DPP6: variants seen among roughly 807,000 people sequenced by gnomAD.
DPP6 encodes A-type potassium channel modulatory protein DPP6.
Under a neutral mutation model 122.6 loss-of-function variants are expected in DPP6, and 69 were observed. That is an observed-to-expected ratio of 0.56 (90% CI 0.46 to 0.69). DPP6 has a LOEUF of 0.69. Ranked by LOEUF, DPP6 falls within the 30% of genes least tolerant of loss-of-function variation. The pLI is 0.00. For missense variants in DPP6, 928 were observed against 1,116.9 expected, an observed-to-expected ratio of 0.83 and a Z score of 2.41; for synonymous variants, 418 against 433.1, an observed-to-expected ratio of 0.97 and a Z score of 0.43.
rs71184020 is a variant in DPP6, at chr7:154,646,027, C to CA, written c.680+8172dup. 1.8e-3 allele frequency among the ~76,000 whole-genome samples: 103 copies of CA among 57,932 alleles called. 5 individuals carry two copies. The highest frequency in any genetic ancestry group is 5.2e-3 in the African/African-American group (73 of 14,156). 38.0% of individuals were successfully genotyped at this position (57,932 alleles called of 152,430 possible). A position where few individuals can be genotyped will look rare whatever the true frequency, so the allele number is the denominator to read the frequency against. ...CGGGCGGCAGAGTGAGACTCCGTCT[C>CA]AAAAAAAAAAAAAAAAAAGAAAATA... On this transcript the variant is annotated intron_variant, in intron 6 of 25. Transcript: ENST00000377770.
intron 3 of DPP6, among the ~76,000 whole-genome samples, chr7:154,526,482 A>C (rs1165036143): frequency 6.9e-6 from 1 of 144,028 alleles, no homozygotes; most frequent in African/African-American, 2.4e-5. Context: ...CCAACACAGT[A>C]CCCACCAGCT....
intron 1 of DPP6, among the ~76,000 whole-genome samples, chr7:154,373,937 C>T (rs1812894182): frequency 6.6e-6 from 1 of 152,186 alleles, no homozygotes; most frequent in Admixed American, 6.5e-5. Context: ...CAGGTTCATC[C>T]ATAGGTTCAT....
intron 2 of DPP6, among the ~76,000 whole-genome samples, chr7:154,450,496 C>T (rs574914748): frequency 2.6e-5 from 4 of 152,288 alleles, no homozygotes; most frequent in Admixed American, 2.6e-4. Flanking sequence ...TGTAACCTGG[C>T]CACAAAAGTG....
chr7:154,590,006 G>A (rs1196840832), intron 5 of DPP6, among the ~76,000 whole-genome samples: 1 of 152,110 alleles, frequency 6.6e-6, no homozygotes. Flanking sequence ...GAGGTTTTTG[G>A]TTTTATGACT....
chr7:154,206,420 C>A (rs1026861323), intron 1 of DPP6, among the ~76,000 whole-genome samples: 1 of 152,202 alleles, frequency 6.6e-6, no homozygotes, highest in African/African-American at 2.4e-5. Context: ...AAGGGAGAAG[C>A]CTTAAATTCC....
intron 17 of DPP6, among the ~76,000 whole-genome samples, chr7:154,861,989 T>A (rs1803446637): frequency 6.6e-6 from 1 of 152,256 alleles, no homozygotes; most frequent in African/African-American, 2.4e-5. Context: ...CATTAAGGAT[T>A]ATTTTCAATG....
intron 3 of DPP6, among the ~76,000 whole-genome samples, chr7:154,525,233 T>C (rs1210200944): frequency 6.6e-6 from 1 of 152,206 alleles, no homozygotes; most frequent in Non-Finnish European, 1.5e-5. Flanking sequence ...AGCCTCAAAC[T>C]CCTGAGCTCA....
chr7:153,856,144 G>A, the DPP6 span, among the ~76,000 whole-genome samples: 1 of 152,124 alleles, frequency 6.6e-6, no homozygotes, highest in Non-Finnish European at 1.5e-5. Context: ...CTCACTGAAG[G>A]TACCTCACCC....
chr7:154,880,495 G>A lies in DPP6; in HGVS notation c.2079-393G>A, dbSNP rs1038908173. 1.5e-4 allele frequency among the ~76,000 whole-genome samples: 23 copies of A among 152,206 alleles called. 1 individual carries two copies. The highest frequency in any genetic ancestry group is 1.2e-4 in the Non-Finnish European group (8 of 68,036). ...AACCAGAGCTCCACAGATTCCTGCC[G>A]ACCCCTAAGGCTCATCCCAGAGCCC... On this transcript the variant is annotated intron_variant, in intron 20 of 25. Transcript: ENST00000377770.
rs1025839003 is a variant in DPP6, at chr7:154,605,284, A to T, written c.628-32537A>T. ...TTCTTTTTTAAATATACATTGACAG[A>T]TGTACTTTGAGGGTCCTCATCTTTA... is the stretch of plus-strand genomic sequence containing the variant. On this transcript the variant is annotated intron_variant, in intron 5 of 25. Transcript: ENST00000377770. 5.1e-5 allele frequency among the ~76,000 whole-genome samples: 6 copies of T among 118,810 alleles called. 1 individual carries two copies. The highest frequency in any genetic ancestry group is 9.5e-5 in the Admixed American group (1 of 10,476). The allele number at this position is 118,810 out of a possible 152,430, so 77.9% of individuals were successfully genotyped here. A position where few individuals can be genotyped will look rare whatever the true frequency, so the allele number is the denominator to read the frequency against.
At chr7:154,169,227 C>A (rs1283233686) in intron 1 of DPP6, among the ~76,000 whole-genome samples, 1 of 152,266 alleles carries the variant, frequency 6.6e-6, no homozygotes, top group African/African-American at 2.4e-5. Context: ...AGGCAAGAAC[C>A]CGGTTGGCCT....
chr7:154,722,295 C>G (rs1356825508), intron 7 of DPP6, among the ~76,000 whole-genome samples: 1 of 152,286 alleles, frequency 6.6e-6, no homozygotes, highest in Non-Finnish European at 1.5e-5. Flanking sequence ...CCAGGCCATG[C>G]AGCACATCCT....
At chr7:154,772,975 A>T (rs1432242762) in intron 10 of DPP6, 33 bp downstream of exon 10, 1 of 1,523,362 alleles carries the variant, frequency 6.6e-7, no homozygotes, top group Non-Finnish European at 8.8e-7. Flanking sequence ...ACCAAAAAAA[A>T]AAAAAAACTA....
chr7:154,772,753 C>T (rs1796320460), intron 9 of DPP6, 92 bp from the exon 10 acceptor site: 1 of 1,533,158 alleles, frequency 6.5e-7, no homozygotes, highest in African/African-American at 1.4e-5. Context: ...TGGAGTCCCA[C>T]CTCGGAATCT....
intron 1 of DPP6, among the ~76,000 whole-genome samples, chr7:154,112,088 G>GA (rs1806631056): frequency 6.6e-6 from 1 of 152,150 alleles, no homozygotes; most frequent in Non-Finnish European, 1.5e-5. Context: ...AGGAAGCTGA[G>GA]AAAGGTGGAA....
intron 1 of DPP6, among the ~76,000 whole-genome samples, chr7:154,175,467 C>G (rs1439862746): frequency 1.3e-5 from 2 of 152,042 alleles, no homozygotes; most frequent in African/African-American, 4.8e-5. Flanking sequence ...TTCCCCCCAC[C>G]CCACCCCCAG....
intron 2 of DPP6, among the ~76,000 whole-genome samples, chr7:154,470,074 C>A (rs1209214909): frequency 6.6e-6 from 1 of 152,182 alleles, no homozygotes; most frequent in African/African-American, 2.4e-5. Flanking sequence ...GTAGGAATAA[C>A]ATACAAATTG....
rs984620629 is a variant in DPP6, at chr7:154,182,219, A to T, written c.243+129156A>T. On this transcript the variant is annotated intron_variant, in intron 1 of 25. Transcript: ENST00000377770. ...AAACCTGTAAATTTATTTTGGAATA[A>T]TTATGGATTGCTAAGGGGGACAGAA... Among the ~76,000 whole-genome samples, 4 of 152,288 alleles carry T rather than the reference A, an allele frequency of 2.6e-5. No homozygotes were observed. The East Asian group carries it at 5.8e-4, about 22-fold the overall frequency.
At chr7:154,121,424 A>G (rs1013234487) in intron 1 of DPP6, among the ~76,000 whole-genome samples, 1 of 151,944 alleles carries the variant, frequency 6.6e-6, no homozygotes, top group Non-Finnish European at 1.5e-5. Flanking sequence ...TTTCCTTCCA[A>G]TTACTGTTTT....
Sources: allele counts gnomAD v4.1 joint callset (sites outside exome capture counted in the v4.1 genomes callset), GRCh38; gene constraint gnomAD v4.1.1; transcripts MANE v1.5; gene names NCBI Gene and HGNC (gene_info 2026-07-23, HGNC 2026-07-21).